The following ELMO1 variants were observed in gnomAD, a reference collection of about 807,000 sequenced individuals.
ELMO1 encodes the protein engulfment and cell motility protein 1.
In ELMO1, 26 loss-of-function variants were observed where a neutral mutation model predicts 98.9. The observed-to-expected ratio is 0.26, with a 90% CI of 0.19 to 0.36. The LOEUF (loss-of-function observed/expected upper bound fraction) is 0.36. Among genes scored for constraint, ELMO1 ranks in the 10% least tolerant of loss-of-function variants. ELMO1 has a pLI of 1.00. For synonymous variants in ELMO1, 346 were observed against 346.0 expected, an observed-to-expected ratio of 1.00 and a Z score of 0.00; for missense variants, 627 against 935.2, an observed-to-expected ratio of 0.67 and a Z score of 4.30.
At position 37,079,478 on chromosome 7, in the gene ELMO1, C is replaced by T. The variant is rs185444478; in HGVS notation, c.1300+17141G>A. ...AATGTTTCTAAAAGCCTCCTCTTCA[C>T]TATCTCCTCACAGCCATCAGTGGCC... On this transcript the variant is annotated intron_variant, in intron 15 of 21. Transcript: ENST00000310758. Among the ~76,000 whole-genome samples the T allele has an allele frequency of 1.5e-3, 223 of 152,286 alleles. 4 individuals carry two copies. Among genetic ancestry groups the T allele is most frequent in the Non-Finnish European group, 3.2e-4 (22 of 68,018 alleles).
chr7:37,056,910 A>C (rs188870887), intron 15 of ELMO1, among the ~76,000 whole-genome samples: 5 of 152,330 alleles, frequency 3.3e-5, no homozygotes, highest in African/African-American at 1.2e-4. Context: ...CTCATCTGTC[A>C]AATGGAAATG....
intron 1 of ELMO1, among the ~76,000 whole-genome samples, chr7:37,417,414 C>A (rs1017434754): frequency 1.3e-5 from 2 of 152,278 alleles, no homozygotes; most frequent in South Asian, 2.1e-4. Flanking sequence ...GTAATCCCAG[C>A]ACTTTCGGAG....
intron 14 of ELMO1, among the ~76,000 whole-genome samples, chr7:37,100,266 T>C (rs1420281232): frequency 6.6e-6 from 1 of 152,150 alleles, no homozygotes; most frequent in African/African-American, 2.4e-5. Context: ...TTCTATGTCA[T>C]CTAATTTATC....
intron 4 of ELMO1, among the ~76,000 whole-genome samples, chr7:37,311,327 A>AT (rs1050530026): frequency 1.7e-3 from 255 of 147,398 alleles, no homozygotes; most frequent in African/African-American, 3.2e-3. Flanking sequence ...CAGCTAGAGA[A>AT]TTTTTTTTTT....
chr7:37,222,820 G>A (rs1444598274), intron 9 of ELMO1, 127 bp from the exon 10 acceptor site: 11 of 762,514 alleles, frequency 1.4e-5, no homozygotes, highest in Non-Finnish European at 2.4e-5. Flanking sequence ...GAAAGGCAGG[G>A]CCTAGAAAAT....
intron 13 of ELMO1, among the ~76,000 whole-genome samples, chr7:37,177,230 T>G (rs565651200): frequency 1.1e-4 from 17 of 152,366 alleles, no homozygotes; most frequent in African/African-American, 3.6e-4. Flanking sequence ...AAGAAAACTT[T>G]CTGCTATGAG....
chr7:37,202,683 T>A lies in ELMO1; in HGVS notation c.1086+8703A>T, dbSNP rs375742521. ...CATGGTACTACTGAGCAGTACTGAA[T>A]GATCTGTAGAAATTATTTAGCTTTT... On this transcript the variant is annotated intron_variant, in intron 13 of 21. Transcript: ENST00000310758. Among the ~76,000 whole-genome samples, 14 of 152,374 alleles carry A rather than the reference T, an allele frequency of 9.2e-5. No homozygotes were observed. The East Asian group carries it at 2.5e-3, about 27-fold the overall frequency.
intron 13 of ELMO1, among the ~76,000 whole-genome samples, chr7:37,147,914 T>C (rs1362661390): frequency 1.3e-5 from 2 of 151,314 alleles, no homozygotes; most frequent in African/African-American, 2.4e-5. Flanking sequence ...GAGATGGAAG[T>C]TGTACTAACT....
At chr7:37,010,021 A>G (rs563104360) in intron 16 of ELMO1, among the ~76,000 whole-genome samples, 2 of 152,352 alleles carry the variant, frequency 1.3e-5, no homozygotes, top group South Asian at 4.1e-4. Context: ...GCAGAAAAAA[A>G]TCAGAAAGGC....
intron 14 of ELMO1, among the ~76,000 whole-genome samples, chr7:37,100,593 G>A (rs749724485): frequency 5.3e-5 from 8 of 152,182 alleles, no homozygotes; most frequent in Non-Finnish European, 8.8e-5. Context: ...TCTCTCTTTT[G>A]GGGGAGAGCC....
chr7:36,958,176 T>C (rs1240184760), intron 16 of ELMO1, among the ~76,000 whole-genome samples: 1 of 152,214 alleles, frequency 6.6e-6, no homozygotes, highest in Non-Finnish European at 1.5e-5. Context: ...TAATCTCTCC[T>C]TTTGTATTCA....
At chr7:36,905,502 C>A (rs943230222) in intron 16 of ELMO1, among the ~76,000 whole-genome samples, 1 of 152,126 alleles carries the variant, frequency 6.6e-6, no homozygotes, top group African/African-American at 2.4e-5. Context: ...AATCATGATG[C>A]CAAAAAACAA....
chr7:37,299,673 TTG>T (rs1162670118), intron 4 of ELMO1, among the ~76,000 whole-genome samples: 1 of 74,896 alleles, frequency 1.3e-5, no homozygotes, highest in African/African-American at 4.0e-5. Context: ...TACTGTAGCC[TTG>T]TAGTAAAGTT....
chr7:36,991,068 G>T (rs1791841499), intron 16 of ELMO1, among the ~76,000 whole-genome samples: 2 of 152,160 alleles, frequency 1.3e-5, no homozygotes, highest in Non-Finnish European at 2.9e-5. Flanking sequence ...GGCAATGAAG[G>T]TGATGGTAAT....
intron 16 of ELMO1, among the ~76,000 whole-genome samples, chr7:36,929,864 CA>C (rs2129083064): frequency 6.6e-6 from 1 of 152,320 alleles, no homozygotes; most frequent in Admixed American, 6.5e-5. Flanking sequence ...GAGTTACTCC[CA>C]AAGTATAAGT....
chr7:37,065,408 G>C (rs1432196089), intron 15 of ELMO1, among the ~76,000 whole-genome samples: 1 of 151,994 alleles, frequency 6.6e-6, no homozygotes, highest in Admixed American at 6.6e-5. Flanking sequence ...GCTAGCTAAG[G>C]ACTCCAGTGT....
intron 1 of ELMO1, among the ~76,000 whole-genome samples, chr7:37,389,536 C>A (rs1583670558): frequency 6.6e-6 from 1 of 152,194 alleles, no homozygotes; most frequent in African/African-American, 2.4e-5. Flanking sequence ...AATGTGTACA[C>A]TTCAGTCCAC....
chr7:37,446,272 T>C (rs1329938653), intron 1 of ELMO1, among the ~76,000 whole-genome samples: 1 of 152,168 alleles, frequency 6.6e-6, no homozygotes, highest in African/African-American at 2.4e-5. Flanking sequence ...CAAGACAAGG[T>C]AGTCACTACC....
rs982607353 is a variant in ELMO1, at chr7:37,377,922, T to C, written c.-73-35159A>G. Among the ~76,000 whole-genome samples, 86 of 152,356 alleles carry C rather than the reference T, an allele frequency of 5.6e-4. 1 individual carries two copies. Among genetic ancestry groups the C allele is most frequent in the African/African-American group, 2.0e-3 (82 of 41,578 alleles). On this transcript the variant is annotated intron_variant, in intron 1 of 21. Transcript: ENST00000310758. ...TGGTATATAAATTTACCTGTCTGTG[T>C]AGCACTCATCAAAGAGTACTTCAGC... is the stretch of plus-strand genomic sequence containing the variant.
Sources: gnomAD v4.1 joint callset for allele counts (sites outside exome capture counted in the v4.1 genomes callset) on GRCh38, gnomAD v4.1.1 for gene constraint, MANE v1.5 for transcripts, NCBI Gene and HGNC (gene_info 2026-07-23, HGNC 2026-07-21) for gene names.